LRP1B: variants seen among roughly 807,000 people sequenced by gnomAD.
The protein encoded by LRP1B is low-density lipoprotein receptor-related protein 1B.
LRP1B carries 217 observed loss-of-function variants against 556.6 expected under a neutral mutation model. The ratio of observed to expected loss-of-function variants is 0.39; its 90% CI spans 0.35 to 0.44. The LOEUF (loss-of-function observed/expected upper bound fraction) is 0.44. Ranked by LOEUF, LRP1B falls within the 20% of genes least tolerant of loss-of-function variation. LRP1B has a pLI of 1.00. For missense variants in LRP1B, 5,053 were observed against 5,620.8 expected (o/e 0.90, Z 3.23); for synonymous variants, 2,047 against 1,865.8 (o/e 1.10, Z -2.50).
Position 141,517,029 on chromosome 2 carries a change from A to AAAAAAAAAAAC in LRP1B, c.206-36497_206-36496insGTTTTTTTTTT, listed in dbSNP as rs772472942. Among the ~76,000 whole-genome samples the AAAAAAAAAAAC allele has an allele frequency of 2.3e-4, 21 of 90,172 alleles. 4 individuals carry two copies. Among genetic ancestry groups the AAAAAAAAAAAC allele is most frequent in the South Asian group, 8.6e-4 (2 of 2,336 alleles). The allele number at this position is 90,172 out of a possible 152,430, so 59.2% of individuals were successfully genotyped here. On this transcript the variant is annotated intron_variant, in intron 2 of 90. Coordinates refer to ENST00000389484, the MANE Select transcript of LRP1B (RefSeq NM_018557.3). Reference sequence around the variant, plus strand: ...TAAAAAAAAAAAAAAAAAAAAAAAAAAAAGTAAATCAATGAAATAATTTAA... The same window carrying AAAAAAAAAAAC: ...TAAAAAAAAAAAAAAAAAAAAAAAAAAAAAAAAAAACAAAGTAAATCAATGAAATAATTTAA...
intron 2 of LRP1B, among the ~76,000 whole-genome samples, chr2:141,560,250 C>T (rs2105245797): frequency 6.6e-6 from 1 of 151,856 alleles, no homozygotes; most frequent in South Asian, 2.1e-4. Flanking sequence ...GTCAAAGGAA[C>T]ATTAACTTCA....
chr2:140,311,525 G>T (rs1684301046), intron 83 of LRP1B, among the ~76,000 whole-genome samples: 1 of 151,804 alleles, frequency 6.6e-6, no homozygotes, highest in South Asian at 2.1e-4. Context: ...AAGTGGAAGG[G>T]TGGGAGGAGG....
intron 2 of LRP1B, among the ~76,000 whole-genome samples, chr2:141,651,620 G>A (rs770874541): frequency 1.6e-4 from 25 of 152,250 alleles, no homozygotes; most frequent in Admixed American, 2.6e-4. Flanking sequence ...AGCAGAGATC[G>A]TGCCATTGCA....
intron 2 of LRP1B, among the ~76,000 whole-genome samples, chr2:141,518,152 A>G (rs1312425237): frequency 6.6e-6 from 1 of 151,824 alleles, no homozygotes; most frequent in Admixed American, 6.6e-5. Context: ...AATTGCAGGC[A>G]TGGGTCTGAA....
At chr2:141,772,567 G>C (rs917804308) in intron 2 of LRP1B, among the ~76,000 whole-genome samples, 3 of 152,160 alleles carry the variant, frequency 2.0e-5, no homozygotes, top group African/African-American at 7.2e-5. Context: ...GGATTCACAA[G>C]ACCTCCAGTT....
At chr2:141,208,998 T>C (rs1558934076) in intron 6 of LRP1B, among the ~76,000 whole-genome samples, 1 of 143,210 alleles carries the variant, frequency 7.0e-6, no homozygotes, top group Non-Finnish European at 1.5e-5. Flanking sequence ...AAACACCAAA[T>C]ATTTGGGATG....
chr2:141,664,386 G>C (rs573668823), intron 2 of LRP1B, among the ~76,000 whole-genome samples: 47 of 152,218 alleles, frequency 3.1e-4, no homozygotes, highest in Non-Finnish European at 5.6e-4. Flanking sequence ...AGAAATAAAG[G>C]GTACTCAAAT....
intron 1 of LRP1B, among the ~76,000 whole-genome samples, chr2:142,049,153 G>T (rs76479448): frequency 1.6e-4 from 25 of 151,904 alleles, no homozygotes; most frequent in African/African-American, 6.0e-4. Context: ...CTAACAAAAA[G>T]TGTTAGTACT....
intron 3 of LRP1B, among the ~76,000 whole-genome samples, chr2:141,418,857 T>C (rs926029626): frequency 2.6e-5 from 4 of 152,162 alleles, no homozygotes; most frequent in Non-Finnish European, 2.9e-5. Flanking sequence ...TCAAGTCTTC[T>C]GATCCATGAA....
At chr2:141,598,234 G>A (rs945367461) in intron 2 of LRP1B, among the ~76,000 whole-genome samples, 5 of 151,938 alleles carry the variant, frequency 3.3e-5, no homozygotes, top group Admixed American at 3.3e-4. Context: ...ATACCACAGT[G>A]TCCTTAGTAG....
chr2:141,247,393 TC>T (rs1327771873), intron 4 of LRP1B, 39 bp from the exon 5 acceptor site: 3 of 1,597,144 alleles, frequency 1.9e-6, no homozygotes, highest in Admixed American at 3.5e-5. Flanking sequence ...AGCAGCTTTA[TC>T]TTGGGCACTT....
At chr2:140,669,432 G>A (rs1293790586) in intron 41 of LRP1B, among the ~76,000 whole-genome samples, 1 of 151,926 alleles carries the variant, frequency 6.6e-6, no homozygotes, top group Non-Finnish European at 1.5e-5. Flanking sequence ...TAAAAGCTCT[G>A]GAAATAAGTA....
At chr2:141,394,953 AAC>A (rs774103781) in intron 3 of LRP1B, among the ~76,000 whole-genome samples, 9 of 152,088 alleles carry the variant, frequency 5.9e-5, no homozygotes, top group Non-Finnish European at 1.3e-4. Flanking sequence ...TGGAAAGAGA[AAC>A]TGTTCTTTCC....
At chr2:140,287,941 C>A (rs2104980040) in intron 84 of LRP1B, among the ~76,000 whole-genome samples, 1 of 151,756 alleles carries the variant, frequency 6.6e-6, no homozygotes, top group East Asian at 1.9e-4. Context: ...TAAAAAATGT[C>A]TACATTTATT....
intron 7 of LRP1B, among the ~76,000 whole-genome samples, chr2:141,130,334 A>C (rs1379837575): frequency 1.3e-5 from 2 of 152,094 alleles, no homozygotes; most frequent in Admixed American, 1.3e-4. Context: ...AATGTTGCTT[A>C]CCCTCATTCA....
intron 31 of LRP1B, among the ~76,000 whole-genome samples, chr2:140,817,598 CTAAA>C (rs1406850456): frequency 2.0e-5 from 3 of 151,632 alleles, no homozygotes; most frequent in Non-Finnish European, 4.4e-5. Context: ...ATGTAAGAAA[CTAAA>C]TATTTTTAAA....
intron 3 of LRP1B, among the ~76,000 whole-genome samples, chr2:141,397,484 C>CACAAT (rs1690283414): frequency 6.6e-6 from 1 of 151,100 alleles, no homozygotes; most frequent in Admixed American, 6.6e-5. Context: ...AGGAAAAAAA[C>CACAAT]ACAATATTAT....
At chr2:140,932,489 C>A (rs571826264) in intron 20 of LRP1B, among the ~76,000 whole-genome samples, 1 of 152,226 alleles carries the variant, frequency 6.6e-6, no homozygotes, top group South Asian at 2.1e-4. Context: ...ACTGTCTAAT[C>A]CTTTACAGAA....
rs574597108 is a variant in LRP1B at position 141,696,477 on chromosome 2, A to C, written c.205+113802T>G. Reference sequence around the variant, plus strand: ...TATATTTACATTGCCTTTGATTAATAATTTAATCTCCACATTATTAATTCT... The same window carrying C: ...TATATTTACATTGCCTTTGATTAATCATTTAATCTCCACATTATTAATTCT... On this transcript the variant is annotated intron_variant, in intron 2 of 90. Coordinates refer to ENST00000389484, the MANE Select transcript of LRP1B (RefSeq NM_018557.3). 5.3e-5 allele frequency among the ~76,000 whole-genome samples: 8 copies of C among 152,058 alleles called. No homozygotes were observed. In the East Asian group the frequency reaches 1.6e-3, roughly 30 times the overall value.
Sources: allele counts gnomAD v4.1 joint callset (sites outside exome capture counted in the v4.1 genomes callset), GRCh38; gene constraint gnomAD v4.1.1; transcripts MANE v1.5; gene names NCBI Gene and HGNC (gene_info 2026-07-23, HGNC 2026-07-21).